NTN4: variants seen among roughly 807,000 people sequenced by gnomAD.
The protein encoded by NTN4 is netrin 4.
In NTN4, 32 loss-of-function variants were observed where a neutral mutation model predicts 73.6. The ratio of observed to expected loss-of-function variants is 0.44; its 90% CI spans 0.33 to 0.58. The LOEUF (loss-of-function observed/expected upper bound fraction) is 0.58, where lower values mean the gene tolerates loss of function less well. NTN4 is among the 20% of genes least tolerant of loss of function. The pLI is 0.04. For synonymous variants in NTN4, 258 were observed against 287.5 expected (o/e 0.90, Z 1.04); for missense variants, 654 against 798.3 (o/e 0.82, Z 2.18).
rs2078580475 is a variant in NTN4 at position 95,713,336 on chromosome 12, G to A, written c.867C>T (p.Val289=). Residue 289 remains valine, a splice_region_variant and synonymous_variant, in exon 4 of 10, where the codon GTC becomes GTT. Transcript: ENST00000343702. The part of the protein sequence containing the change: ...PVKAPGTFHM[V]HGKCMCKHNT... Reference sequence around the variant, plus strand: ...TGTGCTTACACATACACTTCCCATGGACCTACAAGCAACATCAAGTGAGAA... The same window carrying A: ...TGTGCTTACACATACACTTCCCATGAACCTACAAGCAACATCAAGTGAGAA... 6.3e-7 allele frequency: 1 copy of A among 1,589,124 alleles called. No homozygotes were observed. The highest frequency in any genetic ancestry group is 1.1e-5 in the South Asian group (1 of 88,702).
At chr12:95,679,666 CT>C (rs1420147172) in intron 7 of NTN4, among the ~76,000 whole-genome samples, 1 of 152,210 alleles carries the variant, frequency 6.6e-6, no homozygotes, top group African/African-American at 2.4e-5. Flanking sequence ...TTAAAGTCAT[CT>C]CTTTGTGTAT....
rs78266748 is a variant in NTN4 at position 95,762,539 on chromosome 12, G to A, written c.586-24395C>T. Among the ~76,000 whole-genome samples, 274 of 152,338 alleles carry A rather than the reference G, an allele frequency of 1.8e-3. 4 individuals are homozygous for A. Among genetic ancestry groups the A allele is most frequent in the African/African-American group, 6.2e-3 (258 of 41,576 alleles). On this transcript the variant is annotated intron_variant, in intron 2 of 9. Coordinates refer to ENST00000343702, the MANE Select transcript of NTN4 (RefSeq NM_021229.4). Reference sequence around the variant, plus strand: ...AGAAAGAGAACTGAAAGCTGAGTTAGAAGAAAAGACTTGCAGAAATAAAGA... The same window carrying A: ...AGAAAGAGAACTGAAAGCTGAGTTAAAAGAAAAGACTTGCAGAAATAAAGA...
chr12:95,774,879 C>T (rs529847144), intron 2 of NTN4, among the ~76,000 whole-genome samples: 18 of 152,268 alleles, frequency 1.2e-4, no homozygotes, highest in Admixed American at 5.2e-4. Context: ...TGTGAAGGAA[C>T]GGAATGTGTA....
intron 5 of NTN4, among the ~76,000 whole-genome samples, chr12:95,697,781 G>A (rs1345168756): frequency 1.3e-5 from 2 of 151,988 alleles, no homozygotes; most frequent in Non-Finnish European, 1.5e-5. Flanking sequence ...TGCAGGTCAT[G>A]GGATCTTTGT....
At chr12:95,727,794 C>T (rs184784629) in intron 3 of NTN4, among the ~76,000 whole-genome samples, 5 of 152,276 alleles carry the variant, frequency 3.3e-5, no homozygotes, top group African/African-American at 1.2e-4. Context: ...TTTGCTTTCC[C>T]ACCTGAATTT....
At chr12:95,694,317 C>G (rs1978408) in intron 5 of NTN4, among the ~76,000 whole-genome samples, 119,941 of 151,926 alleles carry the variant, frequency 0.79, 47,924 homozygotes, top group East Asian at 0.92. Flanking sequence ...CACCAAGACC[C>G]CGGCGGCCAC....
intron 2 of NTN4, among the ~76,000 whole-genome samples, chr12:95,774,173 C>CT (rs1388440241): frequency 1.3e-5 from 1 of 79,450 alleles, no homozygotes; most frequent in Non-Finnish European, 2.4e-5. Context: ...TAGTTTTTCT[C>CT]TCTTTTTTTT....
intron 7 of NTN4, among the ~76,000 whole-genome samples, chr12:95,681,671 C>A (rs545766816): frequency 1.3e-5 from 2 of 152,122 alleles, no homozygotes; most frequent in Admixed American, 1.3e-4. Flanking sequence ...AAGATGAACA[C>A]AGAAGCTGAG....
At chr12:95,672,416 G>A in intron 7 of NTN4, 1 of 1,173,454 alleles carries the variant, frequency 8.5e-7, no homozygotes, top group Non-Finnish European at 1.3e-6. Flanking sequence ...ACCAGGAGGT[G>A]AAGCGCAGGC....
chr12:95,709,537 T>C (rs2078546820), intron 5 of NTN4, among the ~76,000 whole-genome samples: 1 of 135,836 alleles, frequency 7.4e-6, no homozygotes, highest in Non-Finnish European at 1.6e-5. Context: ...TCTCTCTCTC[T>C]CTCTTTTTTT....
chr12:95,667,509 A>G (rs760249383), intron 8 of NTN4, among the ~76,000 whole-genome samples: 6 of 151,914 alleles, frequency 3.9e-5, no homozygotes, highest in Non-Finnish European at 8.8e-5. Context: ...CACATTTTAG[A>G]CTTCTAAGGG....
At chr12:95,760,890 C>T (rs1007644473) in intron 2 of NTN4, among the ~76,000 whole-genome samples, 3 of 152,134 alleles carry the variant, frequency 2.0e-5, no homozygotes, top group African/African-American at 7.2e-5. Context: ...AGTTTGAATA[C>T]TAAAATGTAA....
intron 7 of NTN4, chr12:95,672,698 T>A (rs1342747820): frequency 7.0e-7 from 1 of 1,430,638 alleles, no homozygotes; most frequent in African/African-American, 1.4e-5. Context: ...GACCATCCTT[T>A]CTACAGCAAC....
At chr12:95,750,858 C>G (rs1264227247) in intron 2 of NTN4, among the ~76,000 whole-genome samples, 1 of 152,212 alleles carries the variant, frequency 6.6e-6, no homozygotes, top group African/African-American at 2.4e-5. Context: ...CTCCTCACAC[C>G]TGGTCCGGCT....
At chr12:95,774,415 C>T (rs2121280128) in intron 2 of NTN4, among the ~76,000 whole-genome samples, 1 of 152,180 alleles carries the variant, frequency 6.6e-6, no homozygotes, top group Middle Eastern at 3.4e-3. Flanking sequence ...ACTGGGAGCA[C>T]CTGGCAGGTG....
At chr12:95,662,235 CTT>C (rs71087990) in intron 9 of NTN4, among the ~76,000 whole-genome samples, 3 of 118,374 alleles carry the variant, frequency 2.5e-5, no homozygotes, top group Non-Finnish European at 5.0e-5. Context: ...CTTTTTCTTT[CTT>C]TTTTTTTTTT....
intron 2 of NTN4, among the ~76,000 whole-genome samples, chr12:95,782,442 T>A (rs1324023924): frequency 6.6e-6 from 1 of 151,988 alleles, no homozygotes; most frequent in Non-Finnish European, 1.5e-5. Context: ...ATTACAGGTG[T>A]GTGCCACCAC....
chr12:95,720,002 G>A (rs1161554832), intron 3 of NTN4, among the ~76,000 whole-genome samples: 1 of 152,180 alleles, frequency 6.6e-6, no homozygotes, highest in Non-Finnish European at 1.5e-5. Context: ...GATAGGCATA[G>A]TGTAAAAACA....
At chr12:95,684,493 A>T (rs2078346382) in intron 5 of NTN4, among the ~76,000 whole-genome samples, 1 of 150,604 alleles carries the variant, frequency 6.6e-6, no homozygotes, top group Admixed American at 6.6e-5. Flanking sequence ...TTTTTTGTAG[A>T]GGCAAGGTCT....
Sources: gnomAD v4.1 joint callset for allele counts (sites outside exome capture counted in the v4.1 genomes callset) on GRCh38, gnomAD v4.1.1 for gene constraint, MANE v1.5 for transcripts, NCBI Gene and HGNC (gene_info 2026-07-23, HGNC 2026-07-21) for gene names.